Variants in SLC24A4 observed in about 807,000 individuals in gnomAD.
SLC24A4 encodes solute carrier family 24 member 4.
Under a neutral mutation model 79.0 loss-of-function variants are expected in SLC24A4, and 53 were observed. The ratio of observed to expected loss-of-function variants is 0.67; its 90% CI spans 0.54 to 0.84. The LOEUF (loss-of-function observed/expected upper bound fraction) is 0.84. Ranked by LOEUF, SLC24A4 falls within the 40% of genes least tolerant of loss-of-function variation. SLC24A4 has a pLI of 0.00. For missense variants in SLC24A4, 731 were observed against 822.0 expected (o/e 0.89, Z 1.35); for synonymous variants, 323 against 323.8 (o/e 1.00, Z 0.03).
At chr14:92,474,843 G>GTGTGTGTATATATATA (rs779007741) in intron 12 of SLC24A4, among the ~76,000 whole-genome samples, 1 of 23,886 alleles carries the variant, frequency 4.2e-5, no homozygotes, top group East Asian at 6.8e-4. Context: ...GTGTGTGTGT[G>GTGTGTGTATATATATA]TATATATATA....
chr14:92,326,442 C>T (rs181953209), intron 2 of SLC24A4, among the ~76,000 whole-genome samples: 6 of 151,942 alleles, frequency 3.9e-5, no homozygotes, highest in African/African-American at 7.2e-5. Flanking sequence ...TGGGGTGCTG[C>T]GGCTGTTTCT....
At chr14:92,327,493 C>T (rs1366344323) in intron 2 of SLC24A4, among the ~76,000 whole-genome samples, 6 of 152,230 alleles carry the variant, frequency 3.9e-5, no homozygotes, top group South Asian at 2.1e-4. Flanking sequence ...TGCTGGGGGC[C>T]GTTCCCACCC....
chr14:92,469,776 G>A (rs368904791), intron 12 of SLC24A4, among the ~76,000 whole-genome samples: 1 of 152,170 alleles, frequency 6.6e-6, no homozygotes, highest in South Asian at 2.1e-4. Flanking sequence ...ATATGGATGA[G>A]CCTAGGAAAT....
chr14:92,407,858 TG>T (rs1347365502), intron 2 of SLC24A4, among the ~76,000 whole-genome samples: 5 of 1,334 alleles, frequency 3.7e-3, no homozygotes, highest in Non-Finnish European at 7.4e-3. Context: ...AGAGTGATAT[TG>T]TGTGTGTGTG....
rs539538259 is a variant in SLC24A4 at position 92,379,720 on chromosome 14, G to A, written c.241+53742G>A. ...CTTGAGTGGTGCCCAGTCTGATGGA[G>A]CTCGGAGCTTGTTCCCACGAGGGCC... On this transcript the variant is annotated intron_variant, in intron 2 of 16. Transcript: ENST00000532405. 1.5e-4 allele frequency among the ~76,000 whole-genome samples: 23 copies of A among 152,232 alleles called. No homozygotes were observed. In the South Asian group the frequency reaches 4.1e-3, roughly 27 times the overall value.
chr14:92,430,563 C>G (rs768396440), intron 2 of SLC24A4, among the ~76,000 whole-genome samples: 1 of 152,204 alleles, frequency 6.6e-6, no homozygotes, highest in Non-Finnish European at 1.5e-5. Context: ...GGGCCCTGCT[C>G]ACAGTCGAGG....
At chr14:92,391,769 G>T (rs559358549) in intron 2 of SLC24A4, among the ~76,000 whole-genome samples, 1 of 152,356 alleles carries the variant, frequency 6.6e-6, no homozygotes, top group East Asian at 1.9e-4. Context: ...CTCCCCCTGG[G>T]AACCCAGCGG....
At position 92,442,209 on chromosome 14, in the gene SLC24A4, A is replaced by G. The variant is rs776178069; in HGVS notation, c.478+36A>G. ...CCCTCCAGCCTGAGACACAGGATCT[A>G]GAGAGTCCATTTGGTGCCCAGAGCA... On this transcript the variant is annotated intron_variant, in intron 5 of 16. Transcript: ENST00000532405. 6.4e-6 allele frequency: 10 copies of G among 1,570,824 alleles called. No individual in the cohort carries two copies. In the East Asian group the frequency reaches 2.2e-4, roughly 35 times the overall value.
At chr14:92,363,837 A>AG (rs1887670121) in intron 2 of SLC24A4, among the ~76,000 whole-genome samples, 1 of 151,890 alleles carries the variant, frequency 6.6e-6, no homozygotes, top group African/African-American at 2.4e-5. Flanking sequence ...TAAAAAAAAA[A>AG]AGAAAAGAAA....
chr14:92,376,220 T>C (rs777332513), intron 2 of SLC24A4, among the ~76,000 whole-genome samples: 1 of 152,200 alleles, frequency 6.6e-6, no homozygotes, highest in African/African-American at 2.4e-5. Flanking sequence ...GCAAGTTACT[T>C]GGCCTCTCAA....
intron 14 of SLC24A4, among the ~76,000 whole-genome samples, chr14:92,488,163 C>A (rs1289975181): frequency 6.6e-6 from 1 of 151,796 alleles, no homozygotes; most frequent in Non-Finnish European, 1.5e-5. Context: ...CCTCTGCCCC[C>A]TGGGTTCAAG....
chr14:92,459,860 A>G (rs1416538698), intron 12 of SLC24A4, among the ~76,000 whole-genome samples: 1 of 152,152 alleles, frequency 6.6e-6, no homozygotes, highest in African/African-American at 2.4e-5. Context: ...CCCTGTATCC[A>G]GCTCCTGGCC....
At chr14:92,395,944 G>C (rs1446900392) in intron 2 of SLC24A4, among the ~76,000 whole-genome samples, 1 of 152,194 alleles carries the variant, frequency 6.6e-6, no homozygotes, top group Non-Finnish European at 1.5e-5. Context: ...TCCTGCCTCA[G>C]CCTCCCGAGT....
intron 12 of SLC24A4, among the ~76,000 whole-genome samples, chr14:92,471,450 T>C (rs753857623): frequency 3.3e-5 from 5 of 152,164 alleles, no homozygotes; most frequent in Non-Finnish European, 7.4e-5. Context: ...GATTTTTAGC[T>C]GGGAACCTAC....
chr14:92,367,406 T>G (rs1052639146), intron 2 of SLC24A4, among the ~76,000 whole-genome samples: 2 of 152,194 alleles, frequency 1.3e-5, no homozygotes, highest in Non-Finnish European at 2.9e-5. Context: ...GGTTGCCTGG[T>G]TAGTAAGCTG....
In SLC24A4 at chr14:92,487,972, T is replaced by C. The variant is rs534615330; in HGVS notation, c.1537+1192T>C. ...TGGTATGTCTGTGTCGACTTCCTCC[T>C]CCTGCTCCTCCTCCTCCTCCTCCTC... On this transcript the variant is annotated intron_variant, in intron 14 of 16. Coordinates refer to ENST00000532405, the MANE Select transcript of SLC24A4 (RefSeq NM_153646.4). 8.9e-5 allele frequency among the ~76,000 whole-genome samples: 13 copies of C among 146,288 alleles called. No homozygotes were observed. The East Asian group carries it at 3.7e-3, about 41-fold the overall frequency.
chr14:92,476,440 A>G (rs747594307), intron 12 of SLC24A4, among the ~76,000 whole-genome samples: 4 of 148,088 alleles, frequency 2.7e-5, no homozygotes, highest in Non-Finnish European at 4.5e-5. Flanking sequence ...GCTAATTATT[A>G]TAAGCAGCTG....
chr14:92,339,789 C>G (rs532265881), intron 2 of SLC24A4, among the ~76,000 whole-genome samples: 2 of 152,170 alleles, frequency 1.3e-5, no homozygotes, highest in Non-Finnish European at 2.9e-5. Context: ...CTGCTGGCAA[C>G]GTGGAGAGTA....
chr14:92,436,152 A>G (rs73339518), intron 3 of SLC24A4, among the ~76,000 whole-genome samples: 1,702 of 152,324 alleles, frequency 0.011, 39 homozygotes, highest in African/African-American at 0.039. Flanking sequence ...CAATTATGGT[A>G]GAAGGGGAGG....
Sources: allele counts gnomAD v4.1 joint callset (sites outside exome capture counted in the v4.1 genomes callset), GRCh38; gene constraint gnomAD v4.1.1; transcripts MANE v1.5; gene names NCBI Gene and HGNC (gene_info 2026-07-23, HGNC 2026-07-21).